The following OCA2 variants were observed in gnomAD, a reference collection of about 807,000 sequenced individuals.
OCA2 encodes OCA2 melanosomal transmembrane protein, also known as P protein.
A neutral mutation model predicts 100.2 loss-of-function variants in OCA2; 77 were observed. The ratio of observed to expected loss-of-function variants is 0.77; its 90% CI spans 0.64 to 0.93. OCA2 has a LOEUF of 0.93. Ranked by LOEUF, OCA2 falls within the 40% of genes least tolerant of loss-of-function variation. The pLI is 0.00. For missense variants in OCA2, 1,062 were observed against 1,089.1 expected (o/e 0.98, Z 0.35); for synonymous variants, 432 against 439.2 (o/e 0.98, Z 0.21).
Position 27,986,539 on chromosome 15 carries a change from T to C in OCA2, c.1239+48A>G, listed in dbSNP as rs370530629. The C allele has an allele frequency of 3.5e-4, 377 of 1,077,922 alleles. 1 individual carries two copies. The highest frequency in any genetic ancestry group is 5.3e-4 in the Non-Finnish European group (369 of 700,560). The allele number at this position is 1,077,922 out of a possible 1,614,324, so 66.8% of individuals were successfully genotyped here. A position where few individuals can be genotyped will look rare whatever the true frequency, so the allele number is the denominator to read the frequency against. ...AAATATATAATGTCAGAAAAATACA[T>C]ATATAAATTAATCAGGATAGAATTA... is the stretch of plus-strand genomic sequence containing the variant. On this transcript the variant is annotated intron_variant, in intron 12 of 23. Transcript: ENST00000354638.
intron 21 of OCA2, among the ~76,000 whole-genome samples, chr15:27,870,806 AAGAAAG>A (rs952530322): frequency 1.1e-5 from 1 of 90,080 alleles, no homozygotes; most frequent in Admixed American, 1.1e-4. Flanking sequence ...GAAAGAAAGA[AAGAAAG>A]AGAGAGAGAA....
intron 2 of OCA2, among the ~76,000 whole-genome samples, chr15:28,063,430 T>G (rs2043934099): frequency 6.6e-6 from 1 of 152,148 alleles, no homozygotes; most frequent in Admixed American, 6.5e-5. Context: ...TGAGGTAAGA[T>G]TTATCTGCTA....
chr15:27,759,019 C>T (rs954629366), intron 23 of OCA2, among the ~76,000 whole-genome samples: 3 of 152,074 alleles, frequency 2.0e-5, no homozygotes, highest in African/African-American at 7.2e-5. Flanking sequence ...CAACAATCAA[C>T]AAATCAAACT....
At chr15:27,734,068 G>C in the OCA2 span, among the ~76,000 whole-genome samples, 1 of 150,852 alleles carries the variant, frequency 6.6e-6, no homozygotes, top group African/African-American at 2.4e-5. Context: ...GCTGATGCAG[G>C]AGAATTGCTT....
chr15:28,064,377 T>TC (rs1390032670), intron 2 of OCA2, among the ~76,000 whole-genome samples: 3 of 152,104 alleles, frequency 2.0e-5, no homozygotes, highest in African/African-American at 7.2e-5. Flanking sequence ...CTCTCTCTTC[T>TC]CTGTCTGGAA....
At chr15:28,064,831 A>C (rs1032436072) in intron 2 of OCA2, among the ~76,000 whole-genome samples, 2 of 150,114 alleles carry the variant, frequency 1.3e-5, no homozygotes, top group Non-Finnish European at 3.0e-5. Flanking sequence ...ATTTAAATGG[A>C]TTTGTTTCTT....
chr15:27,948,842 G>A (rs551068028), intron 18 of OCA2, among the ~76,000 whole-genome samples: 12 of 152,218 alleles, frequency 7.9e-5, no homozygotes, highest in Admixed American at 5.9e-4. Context: ...AGCCAGTCTC[G>A]AAAGGTGGCA....
intron 9 of OCA2, among the ~76,000 whole-genome samples, chr15:27,994,182 T>C (rs562693893): frequency 2.0e-5 from 3 of 152,308 alleles, no homozygotes; most frequent in Admixed American, 2.0e-4. Context: ...CTGCCTCCTG[T>C]CAGATCAGCG....
At chr15:27,722,828 C>G in the OCA2 span, among the ~76,000 whole-genome samples, 4 of 148,484 alleles carry the variant, frequency 2.7e-5, no homozygotes, top group African/African-American at 1.0e-4. Context: ...CTCTCTCTCT[C>G]TCTTTCTCTC....
the OCA2 span, among the ~76,000 whole-genome samples, chr15:27,743,786 G>A: frequency 0.12 from 18,191 of 152,196 alleles, 1,296 homozygotes; most frequent in Admixed American, 0.19. Context: ...TGTGCAGTTG[G>A]AGAAGCTGAC....
intron 10 of OCA2, 99 bp from the exon 11 acceptor site, chr15:27,989,765 G>A (rs2041488148): frequency 1.9e-6 from 2 of 1,072,942 alleles, no homozygotes; most frequent in Admixed American, 3.9e-5. Context: ...CACTCAGTGG[G>A]CGGGCCAGGG....
At chr15:27,835,708 T>C (rs1271006065) in intron 23 of OCA2, among the ~76,000 whole-genome samples, 1 of 152,206 alleles carries the variant, frequency 6.6e-6, no homozygotes, top group Non-Finnish European at 1.5e-5. Flanking sequence ...CTGGCAATGA[T>C]ATGCAATGGC....
At chr15:28,095,322 C>A (rs2044954528) in intron 1 of OCA2, among the ~76,000 whole-genome samples, 1 of 152,206 alleles carries the variant, frequency 6.6e-6, no homozygotes, top group East Asian at 1.9e-4. Flanking sequence ...GCGGCCCTCC[C>A]ACCCCGCCCC....
At chr15:28,071,254 G>A (rs1317390982) in intron 2 of OCA2, among the ~76,000 whole-genome samples, 4 of 151,294 alleles carry the variant, frequency 2.6e-5, no homozygotes, top group Non-Finnish European at 5.9e-5. Flanking sequence ...AAACATTGCT[G>A]AAAGAAATCA....
chr15:27,961,242 C>T (rs928617141), intron 15 of OCA2, among the ~76,000 whole-genome samples: 2 of 152,064 alleles, frequency 1.3e-5, no homozygotes, highest in African/African-American at 4.8e-5. Context: ...ATCAAAACCA[C>T]GATGAGATAC....
At chr15:27,850,542 A>C (rs543047076) in intron 22 of OCA2, among the ~76,000 whole-genome samples, 53 of 152,270 alleles carry the variant, frequency 3.5e-4, no homozygotes, top group Admixed American at 5.2e-4. Context: ...CACTCTCGGA[A>C]GAACTTGAGG....
chr15:27,843,936 C>T (rs1438425897), intron 23 of OCA2, among the ~76,000 whole-genome samples: 1 of 152,132 alleles, frequency 6.6e-6, no homozygotes, highest in African/African-American at 2.4e-5. Context: ...CAAATCTTTA[C>T]CCGAGGCTGG....
chr15:28,006,494 G>A (rs1003274719), intron 9 of OCA2, among the ~76,000 whole-genome samples: 2 of 152,218 alleles, frequency 1.3e-5, no homozygotes, highest in Admixed American at 1.3e-4. Flanking sequence ...AAAAATGTGA[G>A]TAGCATGGCC....
chr15:27,751,273 G>A (rs887144108), downstream of OCA2, among the ~76,000 whole-genome samples: 2 of 152,140 alleles, frequency 1.3e-5, no homozygotes, highest in Admixed American at 1.3e-4. Flanking sequence ...CCTTCCTATG[G>A]TTATTCCCCT....
Sources: gnomAD v4.1 joint callset for allele counts (sites outside exome capture counted in the v4.1 genomes callset) on GRCh38, gnomAD v4.1.1 for gene constraint, MANE v1.5 for transcripts, NCBI Gene and HGNC (gene_info 2026-07-23, HGNC 2026-07-21) for gene names.